CASD1: variants seen among roughly 807,000 people sequenced by gnomAD.
CASD1 encodes the protein N-acetylneuraminate (7)9-O-acetyltransferase.
A neutral mutation model predicts 100.0 loss-of-function variants in CASD1; 41 were observed. That is an observed-to-expected ratio of 0.41 (90% confidence interval 0.32 to 0.53). The LOEUF is 0.53. Among genes scored for constraint, CASD1 ranks in the 20% least tolerant of loss-of-function variants. The pLI is 0.25. For synonymous variants in CASD1, 321 were observed against 315.6 expected, an observed-to-expected ratio of 1.02 and a Z score of -0.18; for missense variants, 774 against 948.7, an observed-to-expected ratio of 0.82 and a Z score of 2.42.
chr7:94,584,315 T>A, the CASD1 span, among the ~76,000 whole-genome samples: 6 of 152,300 alleles, frequency 3.9e-5, no homozygotes, highest in East Asian at 1.2e-3. Context: ...TTGACAACAT[T>A]GCATTCCTCC....
the CASD1 span, among the ~76,000 whole-genome samples, chr7:94,610,792 T>G: frequency 6.6e-6 from 1 of 152,082 alleles, no homozygotes; most frequent in Non-Finnish European, 1.5e-5. Context: ...ATAAAAACTC[T>G]TACAACTTAA....
rs745931185 is a variant in CASD1, at chr7:94,517,632, G to T, written c.206G>T (p.Cys69Phe). The T allele has an allele frequency of 1.2e-5, 19 of 1,608,330 alleles. No individual in the cohort carries two copies. The change falls in exon 2 of 18, where the codon TGT (cysteine) becomes TTT (phenylalanine). Residue 69 changes from cysteine (C) to phenylalanine (F), a missense_variant. Physicochemically the swap from Cys to Phe is radical, Grantham distance 205 (BLOSUM62 -2). Coordinates refer to ENST00000297273, the MANE Select transcript of CASD1 (RefSeq NM_022900.5). The stretch of plus-strand genomic sequence containing the variant: ...GAGAAAGTTTGGCAACCTCACAGTT[G>T]TATGATGCATAAATACAAAATCAGG... ...LGEKVWQPHS[C>F]MMHKYKISEA...
At chr7:94,551,510 T>C (rs1216900771) in intron 15 of CASD1, 32 bp downstream of exon 15, 2 of 1,082,310 alleles carry the variant, frequency 1.8e-6, no homozygotes, top group Non-Finnish European at 2.5e-6. Flanking sequence ...AAATTCTAAA[T>C]GGTATGGAAT....
the CASD1 span, chr7:94,624,748 A>G: frequency 6.6e-6 from 1 of 152,180 alleles, no homozygotes; most frequent in Non-Finnish European, 1.5e-5. Context: ...TTGTTACAAT[A>G]TCATGAAGCT....
At chr7:94,528,304 A>C in intron 5 of CASD1, 54 bp downstream of exon 5, 3 of 1,273,246 alleles carry the variant, frequency 2.4e-6, no homozygotes, top group Non-Finnish European at 3.3e-6. Context: ...TTCCCTTTAC[A>C]CAAGCATATT....
At chr7:94,552,273 TAA>T in intron 15 of CASD1, 75 bp from the exon 16 acceptor site, 2 of 838,098 alleles carry the variant, frequency 2.4e-6, no homozygotes, top group Non-Finnish European at 3.8e-6. Context: ...TAAAGAACTG[TAA>T]AAAAAAAACA....
the CASD1 span, among the ~76,000 whole-genome samples, chr7:94,585,742 G>A: frequency 6.6e-6 from 1 of 151,958 alleles, no homozygotes; most frequent in African/African-American, 2.4e-5. Flanking sequence ...ATAATATTTT[G>A]TATTTCCCAA....
At chr7:94,615,365 AATAGATAG>A in the CASD1 span, among the ~76,000 whole-genome samples, 41,251 of 142,034 alleles carry the variant, frequency 0.29, 6,097 homozygotes, top group East Asian at 0.32. Flanking sequence ...TCTCAAAATA[AATAGATAG>A]ATAGATAGAT....
chr7:94,544,351 T>A, intron 10 of CASD1, 60 bp from the exon 11 acceptor site: 9 of 1,589,364 alleles, frequency 5.7e-6, no homozygotes, highest in Non-Finnish European at 7.7e-6. Context: ...GTACTTGTTA[T>A]GATAATCCAA....
chr7:94,550,825 C>T (rs2116412180), intron 14 of CASD1, among the ~76,000 whole-genome samples: 1 of 152,220 alleles, frequency 6.6e-6, no homozygotes, highest in East Asian at 1.9e-4. Flanking sequence ...CAGTCTATTG[C>T]AATGATAGTT....
chr7:94,605,572 A>G, the CASD1 span, among the ~76,000 whole-genome samples: 1 of 152,108 alleles, frequency 6.6e-6, no homozygotes, highest in Non-Finnish European at 1.5e-5. Flanking sequence ...AGATACCTGC[A>G]ATACCTAGGA....
chr7:94,589,574 T>C, the CASD1 span: 3 of 152,358 alleles, frequency 2.0e-5, no homozygotes, highest in Admixed American at 2.0e-4. Context: ...GCCTCATCTG[T>C]ATTTACAGGT....
chr7:94,538,964 C>A lies in CASD1; in HGVS notation c.1267-3C>A. On this transcript the variant is annotated splice_region_variant and splice_polypyrimidine_tract_variant and intron_variant, in intron 9 of 17. Coordinates refer to ENST00000297273, the MANE Select transcript of CASD1 (RefSeq NM_022900.5). ...TAAAACAGATTTTGGTTCCTTTACACAGACTAAAGTATTAAATAGAGAACA... is the reference window on the plus strand; with the variant it reads ...TAAAACAGATTTTGGTTCCTTTACAAAGACTAAAGTATTAAATAGAGAACA... The A allele has an allele frequency of 6.4e-7, 1 of 1,555,902 alleles. No individual in the cohort carries two copies. Among genetic ancestry groups the A allele is most frequent in the Non-Finnish European group, 8.8e-7 (1 of 1,135,742 alleles).
chr7:94,542,405 C>T (rs1795450226), intron 10 of CASD1, among the ~76,000 whole-genome samples: 1 of 151,038 alleles, frequency 6.6e-6, no homozygotes, highest in South Asian at 2.2e-4. Context: ...TAAATCAGTA[C>T]TAAATTCAAA....
At chr7:94,610,573 G>A in the CASD1 span, among the ~76,000 whole-genome samples, 2 of 152,138 alleles carry the variant, frequency 1.3e-5, no homozygotes, top group East Asian at 1.9e-4. Context: ...AAGAAAACAG[G>A]TGTAAATATG....
Position 94,523,749 on chromosome 7 carries a change from C to G in CASD1, c.352-3413C>G, listed in dbSNP as rs548419017. On this transcript the variant is annotated intron_variant, in intron 3 of 17. Coordinates refer to ENST00000297273, the MANE Select transcript of CASD1 (RefSeq NM_022900.5). Reference sequence around the variant, plus strand: ...ATGGGCAGCAGACCAAGAATAACCACAACAAATCTGAAGAACAAGGTGGAA... The same window carrying G: ...ATGGGCAGCAGACCAAGAATAACCAGAACAAATCTGAAGAACAAGGTGGAA... Among the ~76,000 whole-genome samples, 3 of 152,148 alleles carry G rather than the reference C, an allele frequency of 2.0e-5. No homozygotes were observed. The South Asian group carries it at 6.2e-4, about 32-fold the overall frequency.
chr7:94,541,970 A>T (rs1315584883), intron 10 of CASD1, among the ~76,000 whole-genome samples: 1 of 152,168 alleles, frequency 6.6e-6, no homozygotes, highest in Non-Finnish European at 1.5e-5. Context: ...CTGTTCATTT[A>T]AAATATCTTA....
At chr7:94,610,834 A>G in the CASD1 span, among the ~76,000 whole-genome samples, 1 of 152,206 alleles carries the variant, frequency 6.6e-6, no homozygotes, top group Non-Finnish European at 1.5e-5. Flanking sequence ...TAAAAATGGC[A>G]AAGGATATGA....
chr7:94,616,560 A>T, the CASD1 span, among the ~76,000 whole-genome samples: 1 of 152,210 alleles, frequency 6.6e-6, no homozygotes, highest in Non-Finnish European at 1.5e-5. Flanking sequence ...TTTCAAAAGA[A>T]TATACAAAGG....
Sources: allele counts gnomAD v4.1 joint callset (sites outside exome capture counted in the v4.1 genomes callset), GRCh38; gene constraint gnomAD v4.1.1; transcripts MANE v1.5; gene names NCBI Gene and HGNC (gene_info 2026-07-23, HGNC 2026-07-21).